The following LINGO2 variants were observed in gnomAD, a reference collection of about 807,000 sequenced individuals.
LINGO2 encodes leucine rich repeat and Ig domain containing 2.
A neutral mutation model predicts 30.6 loss-of-function variants in LINGO2; 14 were observed. That is an observed-to-expected ratio of 0.46 (90% CI 0.30 to 0.72). The LOEUF is 0.72. LINGO2 is among the 30% of genes least tolerant of loss of function. The pLI is 0.07. For synonymous variants in LINGO2, 317 were observed against 288.5 expected (o/e 1.10, Z -1.00); for missense variants, 729 against 751.7 (o/e 0.97, Z 0.35).
the LINGO2 span, among the ~76,000 whole-genome samples, chr9:29,085,459 T>C: frequency 6.6e-6 from 1 of 151,988 alleles, no homozygotes; most frequent in Non-Finnish European, 1.5e-5. Flanking sequence ...TTCTTCAGAA[T>C]AATCCTATGA....
intron 4 of LINGO2, among the ~76,000 whole-genome samples, chr9:28,036,389 G>C (rs1276670271): frequency 6.6e-6 from 1 of 152,178 alleles, no homozygotes; most frequent in African/African-American, 2.4e-5. Flanking sequence ...CACACATCCA[G>C]GGTAAAGTTA....
chr9:28,012,311 C>A (rs1405121420), intron 5 of LINGO2: 1 of 152,016 alleles, frequency 6.6e-6, no homozygotes, highest in African/African-American at 2.4e-5. Context: ...TTATGCCTTC[C>A]CCACTTGCGA....
chr9:29,129,552 T>G, the LINGO2 span, among the ~76,000 whole-genome samples: 1 of 152,070 alleles, frequency 6.6e-6, no homozygotes, highest in Non-Finnish European at 1.5e-5. Flanking sequence ...TTTTTAGGGC[T>G]TCAGTAAAAT....
chr9:29,131,999 T>C, the LINGO2 span, among the ~76,000 whole-genome samples: 9 of 151,628 alleles, frequency 5.9e-5, no homozygotes, highest in Admixed American at 5.3e-4. Flanking sequence ...AAGCTCCAGA[T>C]GATCATGTGA....
intron 4 of LINGO2, among the ~76,000 whole-genome samples, chr9:28,201,564 CA>C (rs1426040989): frequency 6.6e-6 from 1 of 150,864 alleles, no homozygotes; most frequent in Non-Finnish European, 1.5e-5. Flanking sequence ...TTTATAGCAG[CA>C]AGATTTATAG....
chr9:28,675,449 A>T, the LINGO2 span, among the ~76,000 whole-genome samples: 1 of 152,100 alleles, frequency 6.6e-6, no homozygotes, highest in African/African-American at 2.4e-5. Context: ...TCTTTCTTTT[A>T]TTTGTTGTTT....
chr9:28,453,338 T>C (rs949721651), intron 2 of LINGO2, among the ~76,000 whole-genome samples: 6 of 151,890 alleles, frequency 4.0e-5, no homozygotes. Flanking sequence ...AAATGCTCGG[T>C]TAATTTTTTT....
chr9:28,465,022 C>T (rs192740596), intron 2 of LINGO2, among the ~76,000 whole-genome samples: 20 of 152,274 alleles, frequency 1.3e-4, no homozygotes, highest in African/African-American at 3.6e-4. Flanking sequence ...GCCGCCCCCC[C>T]GCCCCACATA....
intron 3 of LINGO2, among the ~76,000 whole-genome samples, chr9:28,300,130 A>C (rs1824083018): frequency 7.4e-6 from 1 of 135,248 alleles, no homozygotes; most frequent in South Asian, 2.4e-4. Context: ...CTAATGGAAA[A>C]AAAAAAAAAA....
chr9:28,629,786 A>G (rs146106210), intron 1 of LINGO2, among the ~76,000 whole-genome samples: 1 of 152,236 alleles, frequency 6.6e-6, no homozygotes. Flanking sequence ...TGGGTTCAGA[A>G]AAGTAATAAC....
the LINGO2 span, among the ~76,000 whole-genome samples, chr9:29,093,944 A>G: frequency 1.4e-5 from 2 of 138,540 alleles, no homozygotes; most frequent in Non-Finnish European, 3.1e-5. Flanking sequence ...AATTTGACAA[A>G]CTTGATTTAT....
At chr9:28,008,740 A>G (rs28736646) in intron 5 of LINGO2, among the ~76,000 whole-genome samples, 3,176 of 152,266 alleles carry the variant, frequency 0.021, 105 homozygotes, top group African/African-American at 0.072. Flanking sequence ...ATGCAAAACT[A>G]AAACATTGTT....
At chr9:29,070,340 C>G in the LINGO2 span, among the ~76,000 whole-genome samples, 1 of 152,036 alleles carries the variant, frequency 6.6e-6, no homozygotes, top group Non-Finnish European at 1.5e-5. Context: ...GGTGGAACAA[C>G]CCTTTAAGAA....
chr9:29,044,820 C>G, the LINGO2 span, among the ~76,000 whole-genome samples: 29 of 151,990 alleles, frequency 1.9e-4, no homozygotes, highest in Non-Finnish European at 2.9e-4. Context: ...ACGTACACTG[C>G]TTTTTTCTTA....
chr9:28,266,112 C>A (rs1822741562), intron 4 of LINGO2, among the ~76,000 whole-genome samples: 1 of 151,936 alleles, frequency 6.6e-6, no homozygotes, highest in Admixed American at 6.6e-5. Flanking sequence ...AATATACTCA[C>A]TATGCATCAT....
rs1260381984 is a variant in LINGO2, at chr9:28,181,420, A to T, written c.-87+113788T>A. On this transcript the variant is annotated intron_variant, in intron 4 of 5. Transcript: ENST00000379992. ...AAAGGCTCAGGCCAGTGGATCTCAA[A>T]GTGTGATATCTCGGCCAGCAGCATC... 4.6e-5 allele frequency among the ~76,000 whole-genome samples: 7 copies of T among 152,296 alleles called. No individual in the cohort carries two copies. The East Asian group carries it at 1.2e-3, about 25-fold the overall frequency.
In LINGO2 at chr9:28,550,353, T is replaced by C. The variant is rs148091070; in HGVS notation, c.-364-74328A>G. 2.4e-3 allele frequency among the ~76,000 whole-genome samples: 360 copies of C among 152,010 alleles called. 2 individuals carry two copies. The highest frequency in any genetic ancestry group is 3.8e-3 in the Non-Finnish European group (261 of 67,866). On this transcript the variant is annotated intron_variant, in intron 1 of 5. Transcript: ENST00000379992. ...CCTTTATAATTTCTTCAGATTTATC[T>C]TTCAAAGTACTGATTCTTTCTTCAG...
chr9:28,618,222 T>TC (rs1336712666), intron 1 of LINGO2, among the ~76,000 whole-genome samples: 1 of 152,146 alleles, frequency 6.6e-6, no homozygotes, highest in Non-Finnish European at 1.5e-5. Flanking sequence ...AACCTGGTCT[T>TC]CCTTTATTCT....
the LINGO2 span, among the ~76,000 whole-genome samples, chr9:28,718,968 A>G: frequency 6.6e-6 from 1 of 152,030 alleles, no homozygotes; most frequent in African/African-American, 2.4e-5. Context: ...ACAAGCCATC[A>G]TCACTCTTCT....
Sources: allele counts gnomAD v4.1 joint callset (sites outside exome capture counted in the v4.1 genomes callset), GRCh38; gene constraint gnomAD v4.1.1; transcripts MANE v1.5; gene names NCBI Gene and HGNC (gene_info 2026-07-23, HGNC 2026-07-21).